The following PAG1 variants were observed in gnomAD, a reference collection of about 807,000 sequenced individuals.
The protein encoded by PAG1 is phosphoprotein membrane anchor with glycosphingolipid microdomains 1, also known as phosphoprotein associated with glycosphingolipid-enriched microdomains 1.
A neutral mutation model predicts 31.7 loss-of-function variants in PAG1; 23 were observed. The ratio of observed to expected loss-of-function variants is 0.73; its 90% CI spans 0.52 to 1.03. The LOEUF (loss-of-function observed/expected upper bound fraction) is 1.03. PAG1 is among the 50% of genes least tolerant of loss of function. PAG1 has a pLI of 0.00. For missense variants in PAG1, 473 were observed against 540.7 expected, an observed-to-expected ratio of 0.87 and a Z score of 1.24; for synonymous variants, 214 against 210.3, an observed-to-expected ratio of 1.02 and a Z score of -0.15.
At chr8:81,106,311 G>C (rs1351460580) in intron 1 of PAG1, among the ~76,000 whole-genome samples, 1 of 152,018 alleles carries the variant, frequency 6.6e-6, no homozygotes, top group African/African-American at 2.4e-5. Context: ...CTCCCAAAGT[G>C]CTCAGATTAC....
chr8:81,014,941 C>T (rs866131943), intron 3 of PAG1, among the ~76,000 whole-genome samples: 11 of 152,184 alleles, frequency 7.2e-5, no homozygotes, highest in South Asian at 2.1e-4. Flanking sequence ...GGAGGCAGAG[C>T]GCAAGAACCA....
At chr8:81,007,992 A>T (rs145142758) in intron 3 of PAG1, among the ~76,000 whole-genome samples, 187 of 152,334 alleles carry the variant, frequency 1.2e-3, no homozygotes, top group African/African-American at 4.3e-3. Flanking sequence ...GGACAAAAAG[A>T]AAACTCATCT....
At chr8:81,008,351 C>T (rs1323254027) in intron 3 of PAG1, among the ~76,000 whole-genome samples, 1 of 151,962 alleles carries the variant, frequency 6.6e-6, no homozygotes, top group Non-Finnish European at 1.5e-5. Context: ...TCACTGGTAA[C>T]ACTCTGCTTC....
intron 3 of PAG1, among the ~76,000 whole-genome samples, chr8:81,000,058 G>T (rs1451670350): frequency 6.6e-6 from 1 of 152,156 alleles, no homozygotes; most frequent in Non-Finnish European, 1.5e-5. Flanking sequence ...GGGTAGTGGG[G>T]ATTCACTTTG....
rs1809333549 is a variant in PAG1 at position 81,085,323 on chromosome 8, G to T, written c.-233-15153C>A. On this transcript the variant is annotated intron_variant, in intron 1 of 8. Transcript: ENST00000220597. ...AGCCATTCTGGAGATTTAGCAAAAT[G>T]AAGCTTCATCAACCAGCTTGACTCA... 1.3e-5 allele frequency among the ~76,000 whole-genome samples: 2 copies of T among 152,210 alleles called. 1 individual carries two copies. The highest frequency in any genetic ancestry group is 4.1e-4 in the South Asian group (2 of 4,834).
chr8:81,032,601 C>T (rs1192151306), intron 2 of PAG1, among the ~76,000 whole-genome samples: 2 of 152,182 alleles, frequency 1.3e-5, no homozygotes, highest in Non-Finnish European at 2.9e-5. Flanking sequence ...GTAGAGATAT[C>T]AGAACCCCAT....
rs1807097253 is a variant in PAG1 at position 80,972,471 on chromosome 8, G to A, written c.*4073C>T. The A allele has an allele frequency of 1.3e-5, 2 of 152,184 alleles. No homozygotes were observed. Among genetic ancestry groups the A allele is most frequent in the African/African-American group, 4.8e-5 (2 of 41,432 alleles). The allele number at this position is 152,184 out of a possible 1,614,324, so 9.4% of individuals were successfully genotyped here. A position where few individuals can be genotyped will look rare whatever the true frequency, so the allele number is the denominator to read the frequency against. On this transcript the variant is annotated 3_prime_UTR_variant, in exon 9 of 9. Coordinates refer to ENST00000220597, the MANE Select transcript of PAG1 (RefSeq NM_018440.4). The stretch of plus-strand genomic sequence containing the variant: ...GCTGATGTTTTACACTGCCTATAAA[G>A]TCTCATAATTTTAAAAGGGAATGAA...
chr8:81,057,634 G>A (rs1395173857), intron 2 of PAG1, among the ~76,000 whole-genome samples: 1 of 152,088 alleles, frequency 6.6e-6, no homozygotes, highest in African/African-American at 2.4e-5. Flanking sequence ...GTTAATCGGT[G>A]CAGCACACCA....
At chr8:81,025,153 C>CTT (rs386413187) in intron 3 of PAG1, among the ~76,000 whole-genome samples, 19 of 145,052 alleles carry the variant, frequency 1.3e-4, no homozygotes, top group African/African-American at 3.5e-4. Context: ...CGGTGGATTT[C>CTT]TTTTTTTTTT....
chr8:81,069,738 A>G (rs1320656620), intron 2 of PAG1, among the ~76,000 whole-genome samples: 1 of 152,212 alleles, frequency 6.6e-6, no homozygotes, highest in Non-Finnish European at 1.5e-5. Flanking sequence ...CAAGCCCATG[A>G]GACTATCCAA....
At chr8:81,050,949 G>A (rs993261890) in intron 2 of PAG1, among the ~76,000 whole-genome samples, 3 of 152,244 alleles carry the variant, frequency 2.0e-5, no homozygotes. Context: ...AAGTGAATTT[G>A]AGTTGCCCAT....
At chr8:81,072,145 T>C (rs2130974820) in intron 1 of PAG1, among the ~76,000 whole-genome samples, 1 of 152,294 alleles carries the variant, frequency 6.6e-6, no homozygotes, top group South Asian at 2.1e-4. Context: ...CTAGTGAGTA[T>C]ATCTAATAAA....
chr8:81,089,653 T>G (rs757253957), intron 1 of PAG1, among the ~76,000 whole-genome samples: 9 of 152,116 alleles, frequency 5.9e-5, no homozygotes, highest in Non-Finnish European at 1.3e-4. Flanking sequence ...AGACATTATC[T>G]TTATTGGATT....
intron 2 of PAG1, among the ~76,000 whole-genome samples, chr8:81,052,157 A>C (rs1808744333): frequency 6.6e-6 from 1 of 151,972 alleles, no homozygotes; most frequent in Admixed American, 6.6e-5. Flanking sequence ...ACTATAAACT[A>C]TTAAATATTT....
chr8:81,030,628 C>A (rs1398993460), intron 2 of PAG1, among the ~76,000 whole-genome samples: 1 of 152,190 alleles, frequency 6.6e-6, no homozygotes, highest in African/African-American at 2.4e-5. Flanking sequence ...TGTCCCTTCA[C>A]GCATTCTGCT....
rs146193790 is a variant in PAG1, at chr8:81,015,876, G to A, written c.-81+14120C>T. 5.2e-3 allele frequency among the ~76,000 whole-genome samples: 798 copies of A among 152,278 alleles called. 2 individuals carry two copies. The highest frequency in any genetic ancestry group is 8.0e-3 in the Non-Finnish European group (544 of 68,024). On this transcript the variant is annotated intron_variant, in intron 3 of 8. Coordinates refer to ENST00000220597, the MANE Select transcript of PAG1 (RefSeq NM_018440.4). ...GTTTCTCTACTCTTAATGGTGGGCT[G>A]ATTTGTGACTCCCTTTAGCTCATGG...
At chr8:81,088,393 C>T (rs1809395351) in intron 1 of PAG1, among the ~76,000 whole-genome samples, 1 of 151,980 alleles carries the variant, frequency 6.6e-6, no homozygotes, top group Non-Finnish European at 1.5e-5. Flanking sequence ...ATTTTTTTCT[C>T]TACTGCATTT....
chr8:81,001,488 T>A (rs923768095), intron 3 of PAG1, among the ~76,000 whole-genome samples: 7 of 152,196 alleles, frequency 4.6e-5, no homozygotes, highest in African/African-American at 1.7e-4. Flanking sequence ...CCCGACCACC[T>A]GGCCAGGGTA....
intron 2 of PAG1, among the ~76,000 whole-genome samples, chr8:81,054,460 G>T (rs545840862): frequency 1.3e-5 from 2 of 152,216 alleles, no homozygotes; most frequent in African/African-American, 4.8e-5. Flanking sequence ...GGATCACGAG[G>T]TCAGGAGATA....
Sources: allele counts gnomAD v4.1 joint callset (sites outside exome capture counted in the v4.1 genomes callset), GRCh38; gene constraint gnomAD v4.1.1; transcripts MANE v1.5; gene names NCBI Gene and HGNC (gene_info 2026-07-23, HGNC 2026-07-21).